Variants in MYOM1 observed in about 807,000 individuals in gnomAD.
MYOM1 encodes the protein myomesin-1.
Under a neutral mutation model 205.3 loss-of-function variants are expected in MYOM1, and 164 were observed. The observed-to-expected ratio is 0.80, with a 90% CI of 0.70 to 0.91. The LOEUF is 0.91. Among genes scored for constraint, MYOM1 ranks in the 40% least tolerant of loss-of-function variants. The probability of loss-of-function intolerance (pLI) is 0.00; values close to 1 mark genes in which losing one functional copy is unlikely to be tolerated. For missense variants in MYOM1, 2,011 were observed against 2,127.3 expected (o/e 0.95, Z 1.08); for synonymous variants, 772 against 789.4 (o/e 0.98, Z 0.37).
intron 10 of MYOM1, among the ~76,000 whole-genome samples, chr18:3,157,678 A>C (rs1285159452): frequency 1.1e-5 from 1 of 92,128 alleles, no homozygotes; most frequent in Non-Finnish European, 2.1e-5. Flanking sequence ...CCTTGTCTCC[A>C]AAAATAATAA....
intron 37 of MYOM1, among the ~76,000 whole-genome samples, chr18:3,070,735 TTTGTGTGTGTG>T (rs1239797696): frequency 3.2e-5 from 3 of 94,444 alleles, no homozygotes; most frequent in African/African-American, 1.6e-4. Context: ...GTGCATGTTC[TTTGTGTGTGTG>T]TGTGTGTGTG....
chr18:3,179,839 G>A lies in MYOM1; in HGVS notation c.930-3705C>T, dbSNP rs1255085411. On this transcript the variant is annotated intron_variant, in intron 5 of 37. Transcript: ENST00000356443. This position sits in a 1 kb window ranked among gnomAD's most constrained non-coding sequence, Gnocchi z 4.4. Reference sequence around the variant, plus strand: ...CTGGACTCAAGCTCACTCTGGCTCTGCTCTTTCTTGTGCTGGAGGGTTTTC... The same window carrying A: ...CTGGACTCAAGCTCACTCTGGCTCTACTCTTTCTTGTGCTGGAGGGTTTTC... Among the ~76,000 whole-genome samples, 1 of 152,198 alleles carries A rather than the reference G, an allele frequency of 6.6e-6. No individual in the cohort carries two copies. Among genetic ancestry groups the A allele is most frequent in the Admixed American group, 6.5e-5 (1 of 15,284 alleles).
At chr18:3,234,667 C>T in the MYOM1 span, among the ~76,000 whole-genome samples, 1 of 152,112 alleles carries the variant, frequency 6.6e-6, no homozygotes, top group Admixed American at 6.5e-5. Context: ...GCTGTGCCAC[C>T]TTCAGCTTGC....
chr18:3,196,793 G>A (rs1288278590), intron 2 of MYOM1, among the ~76,000 whole-genome samples: 1 of 152,240 alleles, frequency 6.6e-6, no homozygotes, highest in African/African-American at 2.4e-5. Flanking sequence ...ATGTAGCCAA[G>A]GTACAAAATG....
intron 21 of MYOM1, among the ~76,000 whole-genome samples, chr18:3,114,470 C>G (rs1291548634): frequency 6.6e-6 from 1 of 151,382 alleles, no homozygotes; most frequent in East Asian, 1.9e-4. Context: ...TTCCGCCTCC[C>G]TGGTTCAAGC....
intron 36 of MYOM1, 21 bp from the exon 37 acceptor site, chr18:3,071,910 G>T: frequency 1.3e-6 from 2 of 1,596,658 alleles, no homozygotes; most frequent in Non-Finnish European, 1.7e-6. Context: ...AGGCATTTTG[G>T]GTTAATCACT....
chr18:3,188,824 T>G lies in MYOM1; in HGVS notation c.695A>C (p.Gln232Pro). The change falls in exon 4 of 38, where the codon CAG (glutamine) becomes CCG (proline). Residue 232 changes from glutamine (Q) to proline (P), a missense_variant. Transcript: ENST00000356443. ...VSKQATSALQ[Q>P]EETSEKKSRK... ...TGACTTCTTTTCAGAAGTTTCTTCC[T>G]GTTGAAGAGCGGATGTGGCCTGTTT... is the stretch of plus-strand genomic sequence containing the variant. 1 of 1,611,694 alleles carries G rather than the reference T, an allele frequency of 6.2e-7. No homozygotes were observed. Among genetic ancestry groups the G allele is most frequent in the Non-Finnish European group, 8.5e-7 (1 of 1,178,198 alleles).
intron 2 of MYOM1, among the ~76,000 whole-genome samples, chr18:3,204,905 C>A (rs1228339764): frequency 6.6e-6 from 1 of 151,994 alleles, no homozygotes; most frequent in African/African-American, 2.4e-5. Flanking sequence ...CAGAAATAAA[C>A]CTCTACATTT....
intron 29 of MYOM1, among the ~76,000 whole-genome samples, chr18:3,087,196 T>C (rs2079164401): frequency 6.6e-6 from 1 of 152,186 alleles, no homozygotes. Context: ...CTCCGCAGCT[T>C]TGGGCTTTGC....
At chr18:3,071,250 C>T (rs1303888035) in intron 37 of MYOM1, among the ~76,000 whole-genome samples, 1 of 152,164 alleles carries the variant, frequency 6.6e-6, no homozygotes, top group African/African-American at 2.4e-5. Flanking sequence ...TTCATTTTCT[C>T]ATAATTTTAA....
rs945952836 is a variant in MYOM1, at chr18:3,214,632, T to C, written c.290+302A>G. Among the ~76,000 whole-genome samples the C allele has an allele frequency of 6.6e-5, 10 of 152,036 alleles. 1 individual carries two copies. The highest frequency in any genetic ancestry group is 2.9e-5 in the Non-Finnish European group (2 of 68,008). ...TGAGGTCAGGGGCTCAAAACCAGCC[T>C]AGCCAACATGGTGAAACCCTGTCTC... On this transcript the variant is annotated intron_variant, in intron 2 of 37. Coordinates refer to ENST00000356443, the MANE Select transcript of MYOM1 (RefSeq NM_003803.4).
At chr18:3,193,361 T>C (rs7227133) in intron 3 of MYOM1, among the ~76,000 whole-genome samples, 65,607 of 134,230 alleles carry the variant, frequency 0.49, 16,576 homozygotes, top group African/African-American at 0.61. Flanking sequence ...TATATATATA[T>C]ACACACACAC....
At chr18:3,097,475 G>A (rs987596329) in intron 25 of MYOM1, among the ~76,000 whole-genome samples, 1 of 152,140 alleles carries the variant, frequency 6.6e-6, no homozygotes, top group Non-Finnish European at 1.5e-5. Flanking sequence ...CCAGGCTGAA[G>A]TGCAGTGGCA....
intron 5 of MYOM1, among the ~76,000 whole-genome samples, chr18:3,184,757 T>A (rs2080786982): frequency 6.6e-6 from 1 of 152,210 alleles, no homozygotes; most frequent in Non-Finnish European, 1.5e-5. Context: ...AAGAATGAAG[T>A]CACTAGGACT....
chr18:3,240,462 T>C, the MYOM1 span, among the ~76,000 whole-genome samples: 1,223 of 152,340 alleles, frequency 8.0e-3, 19 homozygotes, highest in African/African-American at 0.028. Flanking sequence ...AGAGTTTCCC[T>C]GCACAAGTTT....
intron 20 of MYOM1, 116 bp downstream of exon 20, chr18:3,119,753 G>T: frequency 7.6e-7 from 1 of 1,318,808 alleles, no homozygotes. Context: ...AAGGGGCCAA[G>T]AGAATTCTTT....
chr18:3,195,303 T>C (rs920140496), intron 2 of MYOM1, among the ~76,000 whole-genome samples: 2 of 152,222 alleles, frequency 1.3e-5, no homozygotes, highest in Non-Finnish European at 2.9e-5. Flanking sequence ...CATCTCTTTT[T>C]CTATGATGAG....
chr18:3,070,167 G>A (rs1197592115), intron 37 of MYOM1, among the ~76,000 whole-genome samples: 1 of 152,068 alleles, frequency 6.6e-6, no homozygotes, highest in Non-Finnish European at 1.5e-5. Context: ...ATTTTTTGTA[G>A]ACAGTGTCTC....
intron 33 of MYOM1, among the ~76,000 whole-genome samples, chr18:3,081,955 G>C (rs1193994989): frequency 6.6e-6 from 1 of 152,200 alleles, no homozygotes; most frequent in East Asian, 1.9e-4. Context: ...TGGCACCAGG[G>C]ACCGGTTTCA....
Sources: allele counts gnomAD v4.1 joint callset (sites outside exome capture counted in the v4.1 genomes callset), GRCh38; gene constraint gnomAD v4.1.1; non-coding constraint Gnocchi (gnomAD v3.1); transcripts MANE v1.5; gene names NCBI Gene and HGNC (gene_info 2026-07-23, HGNC 2026-07-21).